MAP2K3: variants seen among roughly 807,000 people sequenced by gnomAD.
MAP2K3 encodes dual specificity mitogen-activated protein kinase kinase 3.
In MAP2K3, 30 loss-of-function variants were observed where a neutral mutation model predicts 46.4. That is an observed-to-expected ratio of 0.65 (90% CI 0.48 to 0.88). MAP2K3 has a LOEUF of 0.88. MAP2K3 is among the 40% of genes least tolerant of loss of function. The probability of loss-of-function intolerance (pLI) is 0.00; values close to 1 mark genes in which losing one functional copy is unlikely to be tolerated. For synonymous variants in MAP2K3, 189 were observed against 176.3 expected (o/e 1.07, Z -0.57); for missense variants, 380 against 464.5 (o/e 0.82, Z 1.67).
At chr17:21,285,359 TG>T (rs2144424579) in intron 1 of MAP2K3, 1 of 858,214 alleles carries the variant, frequency 1.2e-6, no homozygotes, top group Non-Finnish European at 1.4e-6. Context: ...CCTGGGTCCT[TG>T]GGCAGCACCC....
chr17:21,303,168 C>T lies in MAP2K3; in HGVS notation c.517-15C>T, dbSNP rs1976701363. 1.2e-6 allele frequency: 2 copies of T among 1,613,996 alleles called. No individual in the cohort carries two copies. The highest frequency in any genetic ancestry group is 1.7e-6 in the Non-Finnish European group (2 of 1,179,952). ...CAGAGTCCTGTCTCTTCCCTCCTCC[C>T]CACCCCACCGCCAGATCGTGCGGGC... On this transcript the variant is annotated splice_polypyrimidine_tract_variant and intron_variant, in intron 6 of 11. Coordinates refer to ENST00000342679, the MANE Select transcript of MAP2K3 (RefSeq NM_145109.3).
chr17:21,285,734 T>C (rs1178091464), intron 1 of MAP2K3, among the ~76,000 whole-genome samples: 4 of 152,140 alleles, frequency 2.6e-5, no homozygotes, highest in African/African-American at 9.7e-5. Context: ...CTTATTCTTG[T>C]CCTGGCTGCC....
At chr17:21,294,454 C>T (rs913982476) in intron 1 of MAP2K3, among the ~76,000 whole-genome samples, 1 of 152,308 alleles carries the variant, frequency 6.6e-6, no homozygotes, top group African/African-American at 2.4e-5. Flanking sequence ...CTGTGGGTGA[C>T]CCTTAGAGGG....
chr17:21,299,966 G>A (rs1339399405), intron 3 of MAP2K3, among the ~76,000 whole-genome samples: 2 of 152,306 alleles, frequency 1.3e-5, no homozygotes, highest in South Asian at 2.1e-4. Context: ...TGGGTGACGA[G>A]AGTGACACTC....
chr17:21,292,863 G>A (rs949906329), intron 1 of MAP2K3, among the ~76,000 whole-genome samples: 25 of 152,404 alleles, frequency 1.6e-4, no homozygotes, highest in African/African-American at 2.6e-4. Context: ...GCCACTCCTC[G>A]CATCCTGCTG....
At chr17:21,303,664 G>T (rs1282716965) in intron 7 of MAP2K3, among the ~76,000 whole-genome samples, 1 of 152,312 alleles carries the variant, frequency 6.6e-6, no homozygotes, top group African/African-American at 2.4e-5. Context: ...CCCACAGTGG[G>T]TTGGTTTCGC....
chr17:21,302,415 T>C (rs1440953844), intron 6 of MAP2K3, among the ~76,000 whole-genome samples, 156 bp downstream of exon 6: 5 of 152,308 alleles, frequency 3.3e-5, no homozygotes, highest in Non-Finnish European at 7.3e-5. Flanking sequence ...CATAGGCCCT[T>C]CTCCTCCACC....
intron 10 of MAP2K3, among the ~76,000 whole-genome samples, chr17:21,313,238 G>C (rs1348030284): frequency 6.6e-6 from 1 of 152,168 alleles, no homozygotes; most frequent in Non-Finnish European, 1.5e-5. Context: ...TGTTGATATG[G>C]AAATTCCTAG....
At chr17:21,297,773 C>T (rs574237254) in intron 1 of MAP2K3, among the ~76,000 whole-genome samples, 127 of 850 alleles carry the variant, frequency 0.15, no homozygotes, top group African/African-American at 0.29. Flanking sequence ...GGTACTGCCC[C>T]GGGACTCTGG....
rs1976425215 is a variant in MAP2K3 at position 21,298,895 on chromosome 17, A to G, written c.134A>G (p.Asp45Gly). 1 of 1,614,292 alleles carries G rather than the reference A, an allele frequency of 6.2e-7. No individual in the cohort carries two copies. Residue 45 changes from aspartate to glycine, a missense_variant, in exon 3 of 12, where the codon GAC becomes GGC. By Grantham distance (94) the Asp-to-Gly change is moderately conservative. Transcript: ENST00000342679. ...APNPTPPRNL[D>G]SRTFITIGDR... ...CTCCACAGACCCCCCCGGAACCTGGACTCCCGGACCTTCATCACCATTGGA... is the reference window on the plus strand; with the variant it reads ...CTCCACAGACCCCCCCGGAACCTGGGCTCCCGGACCTTCATCACCATTGGA...
At chr17:21,301,033 C>T in intron 5 of MAP2K3, 40 bp downstream of exon 5, 1 of 1,613,488 alleles carries the variant, frequency 6.2e-7, no homozygotes, top group Non-Finnish European at 8.5e-7. Flanking sequence ...CTCCACCTCC[C>T]ACCCATCAGT....
chr17:21,314,426 G>C lies in MAP2K3; in HGVS notation c.*196G>C, dbSNP rs564782480. ...AAGAAGCAGACCATTGGGGCTCCCA[G>C]CCAGGCCCTTGTCGGCCCCACCAGT... is the stretch of plus-strand genomic sequence containing the variant. On this transcript the variant is annotated 3_prime_UTR_variant, in exon 12 of 12. Coordinates refer to ENST00000342679, the MANE Select transcript of MAP2K3 (RefSeq NM_145109.3). The C allele has an allele frequency of 1.7e-6, 1 of 593,594 alleles. No homozygotes were observed. Among genetic ancestry groups the C allele is most frequent in the Non-Finnish European group, 3.0e-6 (1 of 332,058 alleles). 36.8% of individuals were successfully genotyped at this position (593,594 alleles called of 1,614,324 possible).
intron 1 of MAP2K3, among the ~76,000 whole-genome samples, chr17:21,294,352 C>T (rs1976120291): frequency 6.6e-6 from 1 of 152,306 alleles, no homozygotes; most frequent in Non-Finnish European, 1.5e-5. Context: ...TTGTCAGAAA[C>T]CTGGTGATGC....
Position 21,303,227 on chromosome 17 carries a change from C to T in MAP2K3, c.561C>T (p.Ile187=), listed in dbSNP as rs764381073. The part of the protein sequence containing the change: ...LEHLHSKLSV[I]HRDVKPSNVL... ...ATCTGCACAGCAAGCTGTCGGTGAT[C>T]CACAGAGGTCAGTGCCCGGCAGCCA... Residue 187 remains isoleucine (I), a synonymous_variant, in exon 7 of 12, where the codon ATC becomes ATT. Transcript: ENST00000342679. 1.9e-5 allele frequency: 31 copies of T among 1,614,034 alleles called. No individual in the cohort carries two copies. The highest frequency in any genetic ancestry group is 2.4e-5 in the Non-Finnish European group (28 of 1,180,042).
intron 3 of MAP2K3, 25 bp downstream of exon 3, chr17:21,298,951 A>G: frequency 6.2e-7 from 1 of 1,613,566 alleles, no homozygotes; most frequent in Non-Finnish European, 8.5e-7. Context: ...CCACCCCTGC[A>G]GGGCCTCTCA....
chr17:21,303,067 G>A (rs112413796), intron 6 of MAP2K3, 116 bp from the exon 7 acceptor site: 157,152 of 1,239,018 alleles, frequency 0.13, 11 homozygotes, highest in Middle Eastern at 0.15. Flanking sequence ...TGCGTAGCCT[G>A]TGCAGCGGGA....
chr17:21,307,355 A>T (rs1403176917), intron 9 of MAP2K3, among the ~76,000 whole-genome samples: 1 of 152,288 alleles, frequency 6.6e-6, no homozygotes, highest in African/African-American at 2.4e-5. Context: ...TTTTTATGCC[A>T]CGGGGGTGGA....
chr17:21,302,027 G>A (rs1189654419), intron 5 of MAP2K3, 116 bp from the exon 6 acceptor site: 4 of 1,003,554 alleles, frequency 4.0e-6, no homozygotes, highest in Non-Finnish European at 6.2e-6. Flanking sequence ...TGGCTGAGTG[G>A]GTGGGCACAC....
intron 9 of MAP2K3, among the ~76,000 whole-genome samples, chr17:21,307,395 G>T (rs1308802224): frequency 3.9e-5 from 6 of 152,214 alleles, no homozygotes; most frequent in Non-Finnish European, 5.9e-5. Flanking sequence ...GGTGGCTCTG[G>T]GGACAGGTGG....
Sources: allele counts gnomAD v4.1 joint callset (sites outside exome capture counted in the v4.1 genomes callset), GRCh38; gene constraint gnomAD v4.1.1; transcripts MANE v1.5; gene names NCBI Gene and HGNC (gene_info 2026-07-23, HGNC 2026-07-21).